The following DLG2 variants were observed in gnomAD, a reference collection of about 807,000 sequenced individuals.
The protein encoded by DLG2 is disks large homolog 2.
A neutral mutation model predicts 132.5 loss-of-function variants in DLG2; 45 were observed. The ratio of observed to expected loss-of-function variants is 0.34; its 90% CI spans 0.27 to 0.44. DLG2 has a LOEUF of 0.44. DLG2 is among the 20% of genes least tolerant of loss of function. DLG2 has a pLI of 1.00. For synonymous variants in DLG2, 424 were observed against 419.6 expected (o/e 1.01, Z -0.13); for missense variants, 1,045 against 1,196.9 (o/e 0.87, Z 1.87).
In DLG2 at chr11:85,268,504, C is replaced by T. The variant is rs144530197; in HGVS notation, c.186+16716G>A. On this transcript the variant is annotated intron_variant, in intron 4 of 27. Transcript: ENST00000376104. Reference sequence around the variant, plus strand: ...TGCCCTGACCACCTTGGGCACATGTCCTCAGGACTTCTTGAGGCTGTGTCA... The same window carrying T: ...TGCCCTGACCACCTTGGGCACATGTTCTCAGGACTTCTTGAGGCTGTGTCA... Among the ~76,000 whole-genome samples the T allele has an allele frequency of 1.2e-3, 177 of 152,282 alleles. 1 individual carries two copies. The highest frequency in any genetic ancestry group is 3.4e-3 in the Middle Eastern group (1 of 294).
rs190236488 is a variant in DLG2 at position 84,940,963 on chromosome 11, G to A, written c.357+170698C>T. Among the ~76,000 whole-genome samples the A allele has an allele frequency of 1.1e-3, 164 of 152,142 alleles. 2 individuals carry two copies. The highest frequency in any genetic ancestry group is 3.9e-3 in the African/African-American group (161 of 41,518). ...TTTAGATGGATATTCAGTTTTCCCA[G>A]GACTATTTATTAAAGAGACTGTCCT... On this transcript the variant is annotated intron_variant, in intron 6 of 27. Transcript: ENST00000376104.
intron 8 of DLG2, among the ~76,000 whole-genome samples, chr11:84,178,456 T>C (rs1234891073): frequency 6.6e-6 from 1 of 152,008 alleles, no homozygotes; most frequent in African/African-American, 2.4e-5. Flanking sequence ...CTACAGAAGG[T>C]CCTAGCAATC....
rs148346860 is a variant in DLG2, at chr11:83,701,630, G to T, written c.1826-68305C>A. Among the ~76,000 whole-genome samples the T allele has an allele frequency of 9.1e-4, 138 of 152,296 alleles. 1 individual carries two copies. Among genetic ancestry groups the T allele is most frequent in the South Asian group, 8.9e-3 (43 of 4,826 alleles). On this transcript the variant is annotated intron_variant, in intron 18 of 27. Transcript: ENST00000376104. ...AAAGAAGTCAACATCAGTTATACCGGGACATACAAAGGAAGTGGTTGATGT... is the reference window on the plus strand; with the variant it reads ...AAAGAAGTCAACATCAGTTATACCGTGACATACAAAGGAAGTGGTTGATGT...
intron 16 of DLG2, among the ~76,000 whole-genome samples, chr11:83,867,991 G>A (rs942217069): frequency 2.6e-5 from 4 of 152,174 alleles, no homozygotes; most frequent in African/African-American, 9.7e-5. Context: ...CCTTTGAAAT[G>A]AGGCTAAGGA....
intron 14 of DLG2, among the ~76,000 whole-genome samples, chr11:83,956,594 G>A (rs2086913570): frequency 6.6e-6 from 1 of 152,226 alleles, no homozygotes; most frequent in Non-Finnish European, 1.5e-5. Context: ...GGTGGGCCAA[G>A]TAGACAGGGT....
intron 14 of DLG2, among the ~76,000 whole-genome samples, chr11:83,953,289 A>G (rs969645636): frequency 1.3e-5 from 2 of 152,186 alleles, no homozygotes; most frequent in Non-Finnish European, 2.9e-5. Context: ...ATGGCCTGTT[A>G]GGAACTGGCC....
chr11:84,265,436 GGAA>G (rs1271819449), intron 7 of DLG2, among the ~76,000 whole-genome samples: 3 of 152,040 alleles, frequency 2.0e-5, no homozygotes, highest in Non-Finnish European at 4.4e-5. Flanking sequence ...AGCAAATGGT[GGAA>G]GAAGGATCCT....
chr11:84,395,427 C>T (rs930526593), intron 7 of DLG2, among the ~76,000 whole-genome samples: 1 of 151,836 alleles, frequency 6.6e-6, no homozygotes, highest in African/African-American at 2.4e-5. Context: ...TTGCTTTTTT[C>T]CTTTTTGGAG....
intron 3 of DLG2, among the ~76,000 whole-genome samples, chr11:85,573,134 C>T (rs996306270): frequency 1.3e-5 from 2 of 152,180 alleles, no homozygotes; most frequent in Non-Finnish European, 2.9e-5. Context: ...CCTGAAGCCT[C>T]TCTGAAAGCT....
intron 3 of DLG2, among the ~76,000 whole-genome samples, chr11:85,505,631 T>C (rs1181975284): frequency 6.6e-6 from 1 of 152,210 alleles, no homozygotes; most frequent in African/African-American, 2.4e-5. Context: ...CAGTATTTTA[T>C]TGAGGATTTT....
chr11:84,407,402 T>C (rs1034438970), intron 7 of DLG2, among the ~76,000 whole-genome samples: 10 of 152,214 alleles, frequency 6.6e-5, no homozygotes, highest in African/African-American at 2.4e-4. Context: ...CCACTATCTC[T>C]CCCATCCTCC....
At chr11:83,605,730 A>G (rs1168560267) in intron 19 of DLG2, among the ~76,000 whole-genome samples, 1 of 152,218 alleles carries the variant, frequency 6.6e-6, no homozygotes, top group Non-Finnish European at 1.5e-5. Context: ...GTTCTAAAGG[A>G]CTGCAAAAGC....
intron 6 of DLG2, among the ~76,000 whole-genome samples, chr11:85,023,503 G>A (rs1440507308): frequency 2.0e-5 from 3 of 151,942 alleles, no homozygotes; most frequent in Non-Finnish European, 4.4e-5. Context: ...TTATCTCCTT[G>A]TATTAAGATT....
chr11:83,849,765 T>TAAAAA (rs67891823), intron 16 of DLG2, among the ~76,000 whole-genome samples: 22,299 of 148,010 alleles, frequency 0.15, 1,988 homozygotes, highest in Non-Finnish European at 0.19. Context: ...TTTTTTTTTT[T>TAAAAA]AAAAAAAAAG....
At chr11:85,319,525 C>G (rs1348569423) in intron 3 of DLG2, among the ~76,000 whole-genome samples, 2 of 151,910 alleles carry the variant, frequency 1.3e-5, no homozygotes, top group Non-Finnish European at 3.0e-5. Context: ...ACACTATCCT[C>G]TATATCTTGA....
intron 6 of DLG2, among the ~76,000 whole-genome samples, chr11:84,862,805 AC>A (rs1453953203): frequency 3.2e-5 from 2 of 63,144 alleles, no homozygotes; most frequent in African/African-American, 1.3e-4. Context: ...GACATCACAC[AC>A]CAGGTCCTGT....
In DLG2 at chr11:83,532,692, A is replaced by C; in HGVS notation, c.2193+16T>G. On this transcript the variant is annotated intron_variant, in intron 21 of 27. Transcript: ENST00000376104. ...GCAACTGAGAGAACTTGATGTTTCC[A>C]TCATTTTGTACCTACCCCTTTCGAA... 1 of 1,611,210 alleles carries C rather than the reference A, an allele frequency of 6.2e-7. No homozygotes were observed. The highest frequency in any genetic ancestry group is 8.5e-7 in the Non-Finnish European group (1 of 1,177,884).
intron 7 of DLG2, among the ~76,000 whole-genome samples, chr11:84,524,838 C>T (rs1004914315): frequency 1.3e-5 from 2 of 150,088 alleles, no homozygotes; most frequent in Non-Finnish European, 3.0e-5. Flanking sequence ...AAATGTAACT[C>T]ATAGGGTATT....
intron 6 of DLG2, among the ~76,000 whole-genome samples, chr11:84,926,675 T>C (rs2092989842): frequency 6.6e-6 from 1 of 151,864 alleles, no homozygotes; most frequent in South Asian, 2.1e-4. Flanking sequence ...TTTTATTTTA[T>C]ACCTCTATAC....
Sources: gnomAD v4.1 joint callset for allele counts (sites outside exome capture counted in the v4.1 genomes callset) on GRCh38, gnomAD v4.1.1 for gene constraint, MANE v1.5 for transcripts, NCBI Gene and HGNC (gene_info 2026-07-23, HGNC 2026-07-21) for gene names.